Variants in HKDC1 observed in about 807,000 individuals in gnomAD.
HKDC1 encodes the protein hexokinase domain containing 1.
Under a neutral mutation model 96.6 loss-of-function variants are expected in HKDC1, and 66 were observed. The ratio of observed to expected loss-of-function variants is 0.68; its 90% CI spans 0.56 to 0.84. The LOEUF is 0.84. HKDC1 is among the 40% of genes least tolerant of loss of function. The pLI, the probability that HKDC1 is intolerant of heterozygous loss-of-function variation, is 0.00. For synonymous variants in HKDC1, 466 were observed against 473.1 expected (o/e 0.98, Z 0.20); for missense variants, 1,211 against 1,208.1 (o/e 1.00, Z -0.04).
chr10:69,220,426 C>A lies in HKDC1; in HGVS notation c.-10C>A. 1 of 1,595,458 alleles carries A rather than the reference C, an allele frequency of 6.3e-7. No homozygotes were observed. ...TCTGCCCATCTCAGGAGAAACCAAA[C>A]TTGGGGAAAATGTTTGCGGTCCACT... On this transcript the variant is annotated 5_prime_UTR_variant, in exon 1 of 18. Coordinates refer to ENST00000354624, the MANE Select transcript of HKDC1 (RefSeq NM_025130.4).
chr10:69,248,931 C>T (rs1843590617), intron 10 of HKDC1: 1 of 568,854 alleles, frequency 1.8e-6, no homozygotes, highest in African/African-American at 1.9e-5. Flanking sequence ...AACAAATAAA[C>T]AAACAAAAAC....
chr10:69,240,344 T>C (rs558076647), intron 5 of HKDC1, among the ~76,000 whole-genome samples: 11 of 152,112 alleles, frequency 7.2e-5, no homozygotes, highest in Non-Finnish European at 1.3e-4. Flanking sequence ...TAAAATTTTT[T>C]AAATTAAAAA....
intron 7 of HKDC1, among the ~76,000 whole-genome samples, chr10:69,244,588 G>C (rs1329266702): frequency 6.6e-6 from 1 of 152,134 alleles, no homozygotes; most frequent in Admixed American, 6.5e-5. Flanking sequence ...GGCTGAGGTG[G>C]GAGGACTGCT....
chr10:69,251,087 CTTTTTTTTTTTT>C (rs869084452), intron 12 of HKDC1, among the ~76,000 whole-genome samples: 3 of 92,690 alleles, frequency 3.2e-5, no homozygotes, highest in African/African-American at 4.2e-5. Flanking sequence ...AAATACATTT[CTTTTTTTTTTTT>C]TTTTTTTTTT....
At chr10:69,222,083 G>A (rs766895125) in intron 1 of HKDC1, among the ~76,000 whole-genome samples, 3 of 152,280 alleles carry the variant, frequency 2.0e-5, no homozygotes, top group Admixed American at 6.5e-5. Context: ...TTAGCTGGGC[G>A]TGGTGGAGTG....
rs138509823 is a variant in HKDC1 at position 69,229,956 on chromosome 10, C to T, written c.226+2587C>T. Among the ~76,000 whole-genome samples, 14 of 152,306 alleles carry T rather than the reference C, an allele frequency of 9.2e-5. No individual in the cohort carries two copies. In the East Asian group the frequency reaches 2.7e-3, roughly 29 times the overall value. ...CCCAAGTCCTCCTAGCTCTTGTGAG[C>T]TGGTGGTATAATTTCATGATTACCG... On this transcript the variant is annotated intron_variant, in intron 2 of 17. Transcript: ENST00000354624.
intron 12 of HKDC1, among the ~76,000 whole-genome samples, chr10:69,255,059 A>G (rs1361863409): frequency 6.6e-6 from 1 of 152,230 alleles, no homozygotes; most frequent in Non-Finnish European, 1.5e-5. Flanking sequence ...TGCCGTGTGC[A>G]GCTGTCTGCG....
At chr10:69,259,011 A>G in intron 15 of HKDC1, 52 bp downstream of exon 15, 1 of 1,378,888 alleles carries the variant, frequency 7.3e-7, no homozygotes, top group Non-Finnish European at 9.6e-7. Context: ...GAACAACACT[A>G]CCAGACCTAA....
At chr10:69,250,978 C>T (rs1843633212) in intron 12 of HKDC1, among the ~76,000 whole-genome samples, 2 of 151,462 alleles carry the variant, frequency 1.3e-5, no homozygotes, top group South Asian at 2.1e-4. Flanking sequence ...AACAATTGGG[C>T]AGTAATACGA....
At chr10:69,241,767 G>A (rs530365854) in intron 6 of HKDC1, among the ~76,000 whole-genome samples, 4 of 152,332 alleles carry the variant, frequency 2.6e-5, no homozygotes, top group African/African-American at 9.6e-5. Flanking sequence ...TTACAGCCAT[G>A]AGCCACCACG....
chr10:69,229,221 G>A (rs921791748), intron 2 of HKDC1, among the ~76,000 whole-genome samples: 4 of 151,882 alleles, frequency 2.6e-5, no homozygotes, highest in African/African-American at 9.7e-5. Flanking sequence ...GGAGCTCTCA[G>A]GGGGCTTTGA....
chr10:69,224,606 A>T (rs1843119400), intron 1 of HKDC1, among the ~76,000 whole-genome samples: 1 of 152,202 alleles, frequency 6.6e-6, no homozygotes, highest in Non-Finnish European at 1.5e-5. Flanking sequence ...ATGGTTCTCC[A>T]TAGTCAGGAT....
Position 69,227,262 on chromosome 10 carries a change from T to G in HKDC1, c.119T>G (p.Met40Arg). 1 of 1,614,152 alleles carries G rather than the reference T, an allele frequency of 6.2e-7. No individual in the cohort carries two copies. ...TCCGATGACACCCTTTTGGACATCA[T>G]GAGGCGGTTCCGGGCTGAGATGGAG... The part of the protein sequence containing the change: ...RLSDDTLLDI[M>R]RRFRAEMEKG... Residue 40 changes from methionine (M) to arginine (R), a missense_variant, in exon 2 of 18, where the codon ATG becomes AGG. Transcript: ENST00000354624.
At chr10:69,250,718 C>T in intron 12 of HKDC1, 66 bp downstream of exon 12, 1 of 1,575,912 alleles carries the variant, frequency 6.3e-7, no homozygotes, top group Non-Finnish European at 8.7e-7. Context: ...GGACCATCTC[C>T]AGGTAACTCC....
intron 6 of HKDC1, among the ~76,000 whole-genome samples, chr10:69,241,164 C>T (rs1199017246): frequency 6.6e-6 from 1 of 152,192 alleles, no homozygotes; most frequent in Non-Finnish European, 1.5e-5. Context: ...GAGCCGGGAC[C>T]TCAGTGATGC....
At chr10:69,230,338 C>T (rs190995828) in intron 2 of HKDC1, among the ~76,000 whole-genome samples, 87 of 152,268 alleles carry the variant, frequency 5.7e-4, no homozygotes, top group Middle Eastern at 3.4e-3. Flanking sequence ...GGGGTGAGCC[C>T]GGGAGCCCTG....
rs4745978 is a variant in HKDC1, at chr10:69,250,270, T to G, written c.1571-20T>G. On this transcript the variant is annotated intron_variant, in intron 10 of 17. Coordinates refer to ENST00000354624, the MANE Select transcript of HKDC1 (RefSeq NM_025130.4). ...ACAAGTCCCTGTCATGGAATGCAGC[T>G]GCTGCTTTCTCCATCACAGAGAAAG... is the stretch of plus-strand genomic sequence containing the variant. The G allele has an allele frequency of 1.8e-5, 29 of 1,606,232 alleles. No homozygotes were observed. Among genetic ancestry groups the G allele is most frequent in the Admixed American group, 3.4e-5 (2 of 59,480 alleles).
In HKDC1 at chr10:69,258,406, AGCTCTGAC is replaced by A. The variant is rs1234306995; in HGVS notation, c.2033-369_2033-362del. Among the ~76,000 whole-genome samples the A allele has an allele frequency of 2.0e-5, 3 of 152,192 alleles. No individual in the cohort carries two copies. In the East Asian group the frequency reaches 5.8e-4, roughly 29 times the overall value. On this transcript the variant is annotated intron_variant, in intron 14 of 17. Coordinates refer to ENST00000354624, the MANE Select transcript of HKDC1 (RefSeq NM_025130.4). ...TAGATGATTCCTCATGGTCCCTTCC[AGCTCTGAC>A]TGCTAATTTTACGACTGCTTGGAAG... is the stretch of plus-strand genomic sequence containing the variant.
At chr10:69,245,618 G>A (rs1393696610) in intron 7 of HKDC1, among the ~76,000 whole-genome samples, 5 of 140,118 alleles carry the variant, frequency 3.6e-5, no homozygotes. Context: ...ATGTTCAATA[G>A]TCTGCCTGGG....
Sources: allele counts gnomAD v4.1 joint callset (sites outside exome capture counted in the v4.1 genomes callset), GRCh38; gene constraint gnomAD v4.1.1; transcripts MANE v1.5; gene names NCBI Gene and HGNC (gene_info 2026-07-23, HGNC 2026-07-21).